The following CLVS1 variants were observed in gnomAD, a reference collection of about 807,000 sequenced individuals.
The protein encoded by CLVS1 is clavesin-1.
A neutral mutation model predicts 33.1 loss-of-function variants in CLVS1; 10 were observed. The ratio of observed to expected loss-of-function variants is 0.30; its 90% confidence interval spans 0.19 to 0.51. CLVS1 has a LOEUF of 0.51. Ranked by LOEUF, CLVS1 falls within the 20% of genes least tolerant of loss-of-function variation. The pLI is 0.97. For synonymous variants in CLVS1, 163 were observed against 166.1 expected (o/e 0.98, Z 0.14); for missense variants, 343 against 433.4 (o/e 0.79, Z 1.85).
chr8:61,073,216 C>T (rs1332894195), intron 1 of CLVS1, among the ~76,000 whole-genome samples: 1 of 152,198 alleles, frequency 6.6e-6, no homozygotes, highest in East Asian at 1.9e-4. Flanking sequence ...AAAAAAATTA[C>T]AATCTACTTG....
chr8:61,215,520 C>A (rs9886490), intron 2 of CLVS1, among the ~76,000 whole-genome samples: 2 of 129,028 alleles, frequency 1.6e-5, no homozygotes, highest in Non-Finnish European at 3.2e-5. Context: ...TAAAGTTTAA[C>A]GGATGTCTTT....
In CLVS1 at chr8:61,500,913, A is replaced by ATATT. The variant is rs1804770756; in HGVS notation, c.*1372_*1375dup. The ATATT allele has an allele frequency of 6.6e-6, 1 of 152,220 alleles. No homozygotes were observed. Among genetic ancestry groups the ATATT allele is most frequent in the African/African-American group, 2.4e-5 (1 of 41,456 alleles). 9.4% of individuals were successfully genotyped at this position (152,220 alleles called of 1,614,324 possible). On this transcript the variant is annotated 3_prime_UTR_variant, in exon 6 of 6. Coordinates refer to ENST00000325897, the MANE Select transcript of CLVS1 (RefSeq NM_173519.3). The stretch of plus-strand genomic sequence containing the variant: ...CAACTGGTCATAATCACCCCTGATA[A>ATATT]TATTATTACTAATCTTAATTATTTA...
At chr8:60,971,849 C>T in the CLVS1 span, among the ~76,000 whole-genome samples, 1 of 152,124 alleles carries the variant, frequency 6.6e-6, no homozygotes, top group East Asian at 1.9e-4. Flanking sequence ...CCCCCACCCC[C>T]ACCTTCCCCC....
chr8:61,347,257 A>G (rs1812253617), intron 2 of CLVS1, among the ~76,000 whole-genome samples: 2 of 152,234 alleles, frequency 1.3e-5, no homozygotes, highest in Admixed American at 6.5e-5. Flanking sequence ...GTCAGACTGC[A>G]AGGAGTGGAG....
the CLVS1 span, among the ~76,000 whole-genome samples, chr8:60,979,308 G>A: frequency 6.6e-6 from 1 of 152,328 alleles, no homozygotes. Context: ...CCTGCCCTCT[G>A]AATTGAAGAG....
chr8:61,355,747 CA>C (rs1405555201), intron 2 of CLVS1, among the ~76,000 whole-genome samples: 1 of 148,916 alleles, frequency 6.7e-6, no homozygotes, highest in African/African-American at 2.6e-5. Context: ...ATGAAGTCAT[CA>C]TTTTTTATGG....
chr8:61,455,851 C>T (rs1817134330), intron 4 of CLVS1, among the ~76,000 whole-genome samples: 2 of 152,164 alleles, frequency 1.3e-5, no homozygotes, highest in African/African-American at 4.8e-5. Context: ...TTTCTAACTC[C>T]TAGATCTCAG....
At chr8:61,326,777 G>A (rs1463077751) in intron 2 of CLVS1, among the ~76,000 whole-genome samples, 1 of 151,928 alleles carries the variant, frequency 6.6e-6, no homozygotes, top group Non-Finnish European at 1.5e-5. Flanking sequence ...AAGTGAAGGA[G>A]AACAAAAGAA....
intron 1 of CLVS1, among the ~76,000 whole-genome samples, chr8:61,094,753 C>G (rs1805318182): frequency 6.6e-6 from 1 of 152,174 alleles, no homozygotes; most frequent in African/African-American, 2.4e-5. Flanking sequence ...ACATTCATCT[C>G]CAAGCCAAGG....
At chr8:61,498,038 T>A (rs1804328559) in intron 5 of CLVS1, among the ~76,000 whole-genome samples, 1 of 152,192 alleles carries the variant, frequency 6.6e-6, no homozygotes, top group Non-Finnish European at 1.5e-5. Context: ...ATGATCTGTA[T>A]CTTTTGCTAA....
At chr8:61,291,603 A>G (rs1380325512) in intron 1 of CLVS1, among the ~76,000 whole-genome samples, 1 of 152,116 alleles carries the variant, frequency 6.6e-6, no homozygotes, top group Non-Finnish European at 1.5e-5. Context: ...ACTTCTTAAT[A>G]TGTGGTCAAA....
At chr8:61,396,458 AT>A (rs11293453) in intron 3 of CLVS1, among the ~76,000 whole-genome samples, 103,171 of 151,952 alleles carry the variant, frequency 0.68, 35,738 homozygotes, top group Non-Finnish European at 0.75. Flanking sequence ...CTTTTGGTGT[AT>A]TTTTCCTTTT....
At chr8:61,480,575 GCT>G in intron 5 of CLVS1, among the ~76,000 whole-genome samples, 1 of 152,110 alleles carries the variant, frequency 6.6e-6, no homozygotes, top group Non-Finnish European at 1.5e-5. Context: ...TGCATGGTGT[GCT>G]GCACCCACTG....
At chr8:60,967,546 G>T in the CLVS1 span, 1 of 427,642 alleles carries the variant, frequency 2.3e-6, no homozygotes, top group Non-Finnish European at 4.7e-6. Context: ...TGAGGTGTGG[G>T]TGAAGCAGGG....
chr8:61,192,021 A>T lies in CLVS1; in HGVS notation c.-152+60161A>T, dbSNP rs532077559. 1.4e-4 allele frequency among the ~76,000 whole-genome samples: 21 copies of T among 152,310 alleles called. No individual in the cohort carries two copies. The East Asian group carries it at 4.0e-3, about 29-fold the overall frequency. ...TAACTTTCTTCACAGAATTGGAAAAATCTACTTTAAAGTTCATATGGAACC... is the reference window on the plus strand; with the variant it reads ...TAACTTTCTTCACAGAATTGGAAAATTCTACTTTAAAGTTCATATGGAACC... On this transcript the variant is annotated intron_variant, in intron 2 of 2. Transcript: ENST00000522621.
chr8:61,418,023 G>T (rs960580798), intron 3 of CLVS1, among the ~76,000 whole-genome samples: 1 of 152,216 alleles, frequency 6.6e-6, no homozygotes, highest in African/African-American at 2.4e-5. Flanking sequence ...TCTACAGAAA[G>T]GATACAGCTG....
intron 2 of CLVS1, among the ~76,000 whole-genome samples, chr8:61,372,786 A>G (rs1813492845): frequency 6.6e-6 from 1 of 152,066 alleles, no homozygotes; most frequent in South Asian, 2.1e-4. Context: ...ATGTCCCTCA[A>G]TTGGAATTTG....
At chr8:61,449,376 G>A (rs1816873794) in intron 3 of CLVS1, among the ~76,000 whole-genome samples, 1 of 152,236 alleles carries the variant, frequency 6.6e-6, no homozygotes, top group Admixed American at 6.5e-5. Context: ...CACTGACACT[G>A]CCAGTGTGAA....
intron 2 of CLVS1, among the ~76,000 whole-genome samples, chr8:61,187,057 G>T (rs1235625893): frequency 6.6e-6 from 1 of 152,140 alleles, no homozygotes; most frequent in Admixed American, 6.6e-5. Context: ...AACATGAAAT[G>T]GAAGCCTAAA....
Sources: allele counts gnomAD v4.1 joint callset (sites outside exome capture counted in the v4.1 genomes callset), GRCh38; gene constraint gnomAD v4.1.1; transcripts MANE v1.5; gene names NCBI Gene and HGNC (gene_info 2026-07-23, HGNC 2026-07-21).